The following NPAS3 variants were observed in gnomAD, a reference collection of about 807,000 sequenced individuals.
The protein encoded by NPAS3 is neuronal PAS domain-containing protein 3.
NPAS3 carries 14 observed loss-of-function variants against 73.1 expected under a neutral mutation model. The observed-to-expected ratio is 0.19, with a 90% CI of 0.13 to 0.30. The LOEUF (loss-of-function observed/expected upper bound fraction) is 0.30, where lower values mean the gene tolerates loss of function less well. Ranked by LOEUF, NPAS3 falls within the 10% of genes least tolerant of loss-of-function variation. The pLI is 1.00. For missense variants in NPAS3, 1,096 were observed against 1,250.0 expected (o/e 0.88, Z 1.86); for synonymous variants, 620 against 541.5 (o/e 1.14, Z -2.01).
At chr14:33,731,731 T>C (rs183361439) in intron 6 of NPAS3, among the ~76,000 whole-genome samples, 86 of 152,338 alleles carry the variant, frequency 5.6e-4, no homozygotes, top group African/African-American at 2.0e-3. Flanking sequence ...ATAAAAATTA[T>C]TACTACTTTT....
In NPAS3 at chr14:33,093,958, G is replaced by T. The variant is rs570304067; in HGVS notation, c.140+37964G>T. On this transcript the variant is annotated intron_variant, in intron 2 of 11. Transcript: ENST00000356141. The stretch of plus-strand genomic sequence containing the variant: ...CATGGGAAGGGGAACATCACACACC[G>T]GGGCCTGTTGTGGGGTGGGGGAAGG... 3.1e-3 allele frequency among the ~76,000 whole-genome samples: 471 copies of T among 152,094 alleles called. 3 individuals are homozygous for T. Among genetic ancestry groups the T allele is most frequent in the African/African-American group, 0.011 (451 of 41,490 alleles).
chr14:33,317,699 G>T (rs1334491528), intron 3 of NPAS3, among the ~76,000 whole-genome samples: 1 of 151,858 alleles, frequency 6.6e-6, no homozygotes, highest in Non-Finnish European at 1.5e-5. Context: ...TTCCCCTTCG[G>T]CCATGATTAT....
At position 33,043,527 on chromosome 14, in the gene NPAS3, T is replaced by C. The variant is rs184483606; in HGVS notation, c.51-12378T>C. Among the ~76,000 whole-genome samples the C allele has an allele frequency of 5.6e-4, 85 of 152,244 alleles. 1 individual carries two copies. The highest frequency in any genetic ancestry group is 1.9e-3 in the African/African-American group (80 of 41,562). ...GTTTTGGCTTCAACCCAAATGAAACTTGAGGAAGCAGATTCTCCAGAGCAT... is the reference window on the plus strand; with the variant it reads ...GTTTTGGCTTCAACCCAAATGAAACCTGAGGAAGCAGATTCTCCAGAGCAT... On this transcript the variant is annotated intron_variant, in intron 1 of 11. Coordinates refer to ENST00000356141, the Ensembl canonical transcript of NPAS3.
At chr14:33,528,290 T>C (rs2053891797) in intron 4 of NPAS3, among the ~76,000 whole-genome samples, 1 of 151,934 alleles carries the variant, frequency 6.6e-6, no homozygotes, top group Non-Finnish European at 1.5e-5. Flanking sequence ...TGCACATTCA[T>C]GCAGTATTCA....
At chr14:33,765,589 T>C (rs2062436169) in intron 7 of NPAS3, among the ~76,000 whole-genome samples, 1 of 152,216 alleles carries the variant, frequency 6.6e-6, no homozygotes, top group Admixed American at 6.5e-5. Context: ...GGCTTCCTGC[T>C]TCTCATGCAC....
At chr14:33,645,383 T>C (rs2058800664) in intron 5 of NPAS3, among the ~76,000 whole-genome samples, 1 of 152,190 alleles carries the variant, frequency 6.6e-6, no homozygotes, top group African/African-American at 2.4e-5. Flanking sequence ...ACAGGCTCTG[T>C]GTAGTAATAC....
chr14:33,199,012 G>C (rs12589577), intron 2 of NPAS3, among the ~76,000 whole-genome samples: 32,061 of 152,044 alleles, frequency 0.21, 3,797 homozygotes, highest in South Asian at 0.38. Flanking sequence ...GGCCGGCGGT[G>C]CCGGCCTGCT....
intron 5 of NPAS3, among the ~76,000 whole-genome samples, chr14:33,606,726 A>C (rs571330485): frequency 6.8e-6 from 1 of 146,290 alleles, no homozygotes; most frequent in East Asian, 1.9e-4. Flanking sequence ...TTATACTTAA[A>C]AGAAAGAAGT....
intron 1 of NPAS3, among the ~76,000 whole-genome samples, chr14:32,966,600 C>G (rs1266234299): frequency 1.3e-5 from 1 of 74,858 alleles, no homozygotes; most frequent in African/African-American, 6.7e-5. Context: ...GAAACCCCGT[C>G]TCTACTAAAA....
At chr14:33,680,548 A>G (rs924927935) in intron 6 of NPAS3, 7 of 701,092 alleles carry the variant, frequency 1.0e-5, no homozygotes, top group Non-Finnish European at 1.8e-5. Flanking sequence ...ACTTCTGGTA[A>G]CTAGCTTTTT....
chr14:33,325,796 T>A (rs1049059687), intron 3 of NPAS3, among the ~76,000 whole-genome samples: 1 of 151,522 alleles, frequency 6.6e-6, no homozygotes, highest in African/African-American at 2.4e-5. Flanking sequence ...CACTACACTT[T>A]CCAGCCTCTG....
rs775072650 is a variant in NPAS3 at position 33,800,788 on chromosome 14, C to G, written c.2481C>G (p.Gly827=). ...CCGCGCAGAGGGTCTACACCACGGG[C>G]ACCATCCGCTACGCGCCCGCCGAGG... Residue 827 remains glycine (G), a synonymous_variant, in exon 12 of 12, where the codon GGC becomes GGG. Coordinates refer to ENST00000356141, the Ensembl canonical transcript of NPAS3. The surrounding 1 kb of genome is among the most constrained non-coding windows in gnomAD (Gnocchi z 6.5). 1 of 1,584,962 alleles carries G rather than the reference C, an allele frequency of 6.3e-7. No homozygotes were observed.
At chr14:33,784,747 T>TATTTA (rs1555333499) in intron 9 of NPAS3, among the ~76,000 whole-genome samples, 1 of 103,040 alleles carries the variant, frequency 9.7e-6, no homozygotes, top group Admixed American at 8.8e-5. Flanking sequence ...ATTTATTTAT[T>TATTTA]TTTTTTTTTT....
chr14:33,201,134 G>A (rs2046597856), intron 2 of NPAS3, among the ~76,000 whole-genome samples: 1 of 152,158 alleles, frequency 6.6e-6, no homozygotes, highest in Non-Finnish European at 1.5e-5. Context: ...AAGACAGAAG[G>A]CATTTGAAGG....
At chr14:32,961,968 TTACTC>T (rs1176970305) in intron 1 of NPAS3, among the ~76,000 whole-genome samples, 2 of 152,200 alleles carry the variant, frequency 1.3e-5, no homozygotes, top group Non-Finnish European at 2.9e-5. Flanking sequence ...AGTTAGTTAT[TTACTC>T]TAAGTAAATA....
At chr14:33,480,620 G>T (rs1183580809) in intron 4 of NPAS3, among the ~76,000 whole-genome samples, 1 of 130,252 alleles carries the variant, frequency 7.7e-6, no homozygotes, top group Non-Finnish European at 1.6e-5. Context: ...ACATCTAAAT[G>T]TACACCTTAC....
intron 6 of NPAS3, among the ~76,000 whole-genome samples, chr14:33,711,470 T>G (rs899271096): frequency 6.6e-6 from 1 of 152,114 alleles, no homozygotes; most frequent in Non-Finnish European, 1.5e-5. Context: ...CAAATAAACG[T>G]AGATAGAATG....
downstream of NPAS3, chr14:33,801,245 C>G: frequency 6.9e-7 from 1 of 1,443,624 alleles, no homozygotes. Flanking sequence ...CCCCATTCCA[C>G]CCCCTCTTTC....
intron 2 of NPAS3, among the ~76,000 whole-genome samples, chr14:33,121,786 G>A (rs1225816064): frequency 1.3e-5 from 2 of 152,154 alleles, no homozygotes; most frequent in African/African-American, 4.8e-5. Flanking sequence ...AAGCTTAAAT[G>A]TTCAATTGGA....
Sources: allele counts gnomAD v4.1 joint callset (sites outside exome capture counted in the v4.1 genomes callset), GRCh38; gene constraint gnomAD v4.1.1; non-coding constraint Gnocchi (gnomAD v3.1); transcripts MANE v1.5; gene names NCBI Gene and HGNC (gene_info 2026-07-23, HGNC 2026-07-21).